PPARGC1A: variants seen among roughly 807,000 people sequenced by gnomAD.
The protein encoded by PPARGC1A is peroxisome proliferator-activated receptor gamma coactivator 1-alpha.
PPARGC1A carries 25 observed loss-of-function variants against 88.7 expected under a neutral mutation model. The observed-to-expected ratio is 0.28, with a 90% CI of 0.21 to 0.39. PPARGC1A has a LOEUF of 0.39. PPARGC1A is among the 10% of genes least tolerant of loss of function. PPARGC1A has a pLI of 1.00. For synonymous variants in PPARGC1A, 363 were observed against 355.6 expected (o/e 1.02, Z -0.24); for missense variants, 880 against 968.7 (o/e 0.91, Z 1.22).
chr4:24,321,479 A>G, the PPARGC1A span, among the ~76,000 whole-genome samples: 1 of 152,238 alleles, frequency 6.6e-6, no homozygotes, highest in South Asian at 2.1e-4. Flanking sequence ...CCCAACTGGG[A>G]ATCAGAAACT....
the PPARGC1A span, among the ~76,000 whole-genome samples, chr4:23,931,497 T>C: frequency 7.9e-5 from 12 of 151,954 alleles, no homozygotes; most frequent in Non-Finnish European, 1.5e-4. Context: ...ACATATTTTT[T>C]AAAGGAGAAT....
the PPARGC1A span, among the ~76,000 whole-genome samples, chr4:24,167,817 A>G: frequency 6.6e-6 from 1 of 152,068 alleles, no homozygotes; most frequent in South Asian, 2.1e-4. Flanking sequence ...GCAGTGGTAC[A>G]ACCTCAGCTC....
chr4:24,249,867 G>A, the PPARGC1A span, among the ~76,000 whole-genome samples: 1 of 152,164 alleles, frequency 6.6e-6, no homozygotes, highest in Non-Finnish European at 1.5e-5. Context: ...AAAGCCCCTA[G>A]CACAATACCT....
At chr4:24,213,686 C>G in the PPARGC1A span, among the ~76,000 whole-genome samples, 1 of 152,128 alleles carries the variant, frequency 6.6e-6, no homozygotes, top group African/African-American at 2.4e-5. Flanking sequence ...TGCATACACA[C>G]GTACATGCAT....
At chr4:24,183,720 G>T in the PPARGC1A span, among the ~76,000 whole-genome samples, 6 of 152,068 alleles carry the variant, frequency 3.9e-5, no homozygotes, top group Admixed American at 2.6e-4. Flanking sequence ...CAATGACCTT[G>T]TTACCTATAT....
intron 2 of PPARGC1A, among the ~76,000 whole-genome samples, chr4:23,837,795 T>C (rs1261480069): frequency 6.6e-6 from 1 of 152,208 alleles, no homozygotes; most frequent in East Asian, 1.9e-4. Context: ...AAGCAACTTT[T>C]ATAATAGATT....
chr4:24,315,142 C>G, the PPARGC1A span, among the ~76,000 whole-genome samples: 1 of 152,042 alleles, frequency 6.6e-6, no homozygotes, highest in Admixed American at 6.6e-5. Context: ...GAATTGATTT[C>G]ATAGAGTCAA....
chr4:24,036,030 A>G, the PPARGC1A span, among the ~76,000 whole-genome samples: 5 of 152,188 alleles, frequency 3.3e-5, no homozygotes, highest in Admixed American at 2.6e-4. Context: ...CAGACTACCT[A>G]GGTTCCAATC....
the PPARGC1A span, among the ~76,000 whole-genome samples, chr4:24,179,296 T>C: frequency 1.8e-4 from 27 of 152,270 alleles, no homozygotes; most frequent in Non-Finnish European, 3.1e-4. Flanking sequence ...AAAAAGGCCA[T>C]AATGCTTCCC....
the PPARGC1A span, among the ~76,000 whole-genome samples, chr4:24,450,502 G>A: frequency 6.6e-6 from 1 of 152,056 alleles, no homozygotes; most frequent in Non-Finnish European, 1.5e-5. Context: ...TTATTTAGAA[G>A]GGTCAAAACT....
At chr4:23,930,410 A>G in the PPARGC1A span, among the ~76,000 whole-genome samples, 125 of 152,340 alleles carry the variant, frequency 8.2e-4, no homozygotes, top group African/African-American at 2.9e-3. Flanking sequence ...ACTGACATTT[A>G]GGTACAACGC....
chr4:24,064,797 T>C, the PPARGC1A span, among the ~76,000 whole-genome samples: 1 of 152,070 alleles, frequency 6.6e-6, no homozygotes, highest in South Asian at 2.1e-4. Flanking sequence ...TATGTGCATC[T>C]TACTAGCTGA....
At chr4:23,800,561 A>C (rs1718479809) in intron 12 of PPARGC1A, among the ~76,000 whole-genome samples, 1 of 151,084 alleles carries the variant, frequency 6.6e-6, no homozygotes, top group Non-Finnish European at 1.5e-5. Flanking sequence ...ACACGAATTT[A>C]TATATTAATT....
At chr4:24,285,124 G>A in the PPARGC1A span, among the ~76,000 whole-genome samples, 1 of 152,186 alleles carries the variant, frequency 6.6e-6, no homozygotes, top group Non-Finnish European at 1.5e-5. Flanking sequence ...GTTCTCATGA[G>A]AACTTTGCAT....
chr4:24,321,936 G>A, the PPARGC1A span, among the ~76,000 whole-genome samples: 65 of 152,168 alleles, frequency 4.3e-4, no homozygotes, highest in South Asian at 2.1e-4. Context: ...GCCTCTGACC[G>A]AAGTGCTCAA....
intron 7 of PPARGC1A, among the ~76,000 whole-genome samples, chr4:23,820,216 G>A (rs1436473323): frequency 6.6e-6 from 1 of 152,032 alleles, no homozygotes; most frequent in Non-Finnish European, 1.5e-5. Context: ...CAAATCACAT[G>A]TCCCCTCTGA....
At chr4:24,215,121 T>A in the PPARGC1A span, among the ~76,000 whole-genome samples, 1 of 152,170 alleles carries the variant, frequency 6.6e-6, no homozygotes, top group Admixed American at 6.5e-5. Flanking sequence ...GCTCTTGCTC[T>A]CCTCTGAAAA....
the PPARGC1A span, among the ~76,000 whole-genome samples, chr4:24,154,954 CTCT>C: frequency 6.6e-6 from 1 of 152,026 alleles, no homozygotes; most frequent in Non-Finnish European, 1.5e-5. Flanking sequence ...ATCAGATATC[CTCT>C]GGTCAAGTGA....
At chr4:24,076,263 A>C in the PPARGC1A span, among the ~76,000 whole-genome samples, 1 of 152,138 alleles carries the variant, frequency 6.6e-6, no homozygotes, top group Non-Finnish European at 1.5e-5. Context: ...AGAAAACCAA[A>C]GCTTGAAATA....
Sources: allele counts gnomAD v4.1 joint callset (sites outside exome capture counted in the v4.1 genomes callset), GRCh38; gene constraint gnomAD v4.1.1; transcripts MANE v1.5; gene names NCBI Gene and HGNC (gene_info 2026-07-23, HGNC 2026-07-21).